Variants in RBFA observed in about 807,000 individuals in gnomAD.
The protein encoded by RBFA is putative ribosome-binding factor A, mitochondrial.
Under a neutral mutation model 27.9 loss-of-function variants are expected in RBFA, and 16 were observed. The ratio of observed to expected loss-of-function variants is 0.57; its 90% CI spans 0.39 to 0.87. The LOEUF is 0.87. Ranked by LOEUF, RBFA falls within the 40% of genes least tolerant of loss-of-function variation. The pLI, the probability that RBFA is intolerant of heterozygous loss-of-function variation, is 0.00. For synonymous variants in RBFA, 181 were observed against 181.0 expected, an observed-to-expected ratio of 1.00 and a Z score of 0.00; for missense variants, 456 against 432.1, an observed-to-expected ratio of 1.06 and a Z score of -0.49.
At chr18:80,042,560 G>A (rs1453940177) in intron 5 of RBFA, among the ~76,000 whole-genome samples, 2 of 152,158 alleles carry the variant, frequency 1.3e-5, no homozygotes, top group Admixed American at 6.5e-5. Flanking sequence ...CACAAGGTCA[G>A]GAGTTAGAGA....
chr18:80,036,849 C>T (rs1407785104), intron 2 of RBFA, 139 bp downstream of exon 2: 19 of 547,762 alleles, frequency 3.5e-5, no homozygotes, highest in African/African-American at 7.6e-5. Context: ...ATGCCATTGG[C>T]AACATGGAGT....
chr18:80,038,191 A>G (rs2051993566), intron 3 of RBFA, among the ~76,000 whole-genome samples: 1 of 152,252 alleles, frequency 6.6e-6, no homozygotes, highest in Non-Finnish European at 1.5e-5. Flanking sequence ...AAAAGGCAGC[A>G]TCGAGCATTT....
chr18:80,041,364 C>T (rs1268091190), intron 4 of RBFA: 1 of 152,154 alleles, frequency 6.6e-6, no homozygotes, highest in Non-Finnish European at 1.5e-5. Context: ...ACGGCTTTCG[C>T]TGGTTATATG....
chr18:80,037,472 A>T lies in RBFA; in HGVS notation c.344A>T (p.Gln115Leu). The change falls in exon 3 of 7, where the codon CAG becomes CTG. Residue 115 changes from glutamine (Q) to leucine (L), a missense_variant. Coordinates refer to ENST00000306735, the MANE Select transcript of RBFA (RefSeq NM_024805.3). ...CTGCTGTGTACCCCTGAAGTGAGTCAGGAGCTGTATGACCTTAACGTGGAG... is the reference window on the plus strand; with the variant it reads ...CTGCTGTGTACCCCTGAAGTGAGTCTGGAGCTGTATGACCTTAACGTGGAG... ...TDLLCTPEVS[Q>L]ELYDLNVELS... is the part of the protein sequence containing the mutation. 2 of 1,614,012 alleles carry T rather than the reference A, an allele frequency of 1.2e-6. No individual in the cohort carries two copies. Among genetic ancestry groups the T allele is most frequent in the Non-Finnish European group, 1.7e-6 (2 of 1,179,872 alleles).
In RBFA at chr18:80,034,460, T is replaced by A. The variant is rs756524807; in HGVS notation, c.-36T>A. 5 of 1,459,354 alleles carry A rather than the reference T, an allele frequency of 3.4e-6. No individual in the cohort carries two copies. The highest frequency in any genetic ancestry group is 4.5e-6 in the Non-Finnish European group (5 of 1,113,662). The allele number at this position is 1,459,354 out of a possible 1,614,324, so 90.4% of individuals were successfully genotyped here. A position where few individuals can be genotyped will look rare whatever the true frequency, so the allele number is the denominator to read the frequency against. On this transcript the variant is annotated 5_prime_UTR_variant, in exon 1 of 7. Transcript: ENST00000306735. ...GTTGTCGCTCCGCGCCTGCGCCCGT[T>A]GTCTCCCTGCTCGCTCCGGGTCCCG...
At chr18:80,035,088 TG>T (rs1242407220) in intron 1 of RBFA, 1 of 181,888 alleles carries the variant, frequency 5.5e-6, no homozygotes, top group Non-Finnish European at 1.2e-5. Context: ...CTTCTAAGTA[TG>T]GTAGGTGGTT....
Position 80,037,441 on chromosome 18 carries a change from A to T in RBFA, c.313A>T (p.Thr105Ser). The change falls in exon 3 of 7, where the codon ACA (threonine) becomes TCA (serine). Residue 105 changes from threonine (T) to serine (S), a missense_variant. Transcript: ENST00000306735. ...GAACGGCCTCCTCTATAAGGCACTG[A>T]CAGACCTGCTGTGTACCCCTGAAGT... ...ALNGLLYKAL[T>S]DLLCTPEVSQ... 1 of 1,614,152 alleles carries T rather than the reference A, an allele frequency of 6.2e-7. No homozygotes were observed. Among genetic ancestry groups the T allele is most frequent in the Non-Finnish European group, 8.5e-7 (1 of 1,180,016 alleles).
rs867819207 is a variant in RBFA at position 80,047,586 on chromosome 18, C to T, written c.*1431C>T. 1.3e-5 allele frequency among the ~76,000 whole-genome samples: 2 copies of T among 152,110 alleles called. No individual in the cohort carries two copies. Among genetic ancestry groups the T allele is most frequent in the Non-Finnish European group, 2.9e-5 (2 of 68,016 alleles). ...TTGTTTATACTCTACACTCTTATTT[C>T]CTATATCAGGATGGGGAGGCCACTA... On this transcript the variant is annotated 3_prime_UTR_variant, in exon 7 of 7. Coordinates refer to ENST00000306735, the MANE Select transcript of RBFA (RefSeq NM_024805.3).
intron 3 of RBFA, among the ~76,000 whole-genome samples, chr18:80,037,956 C>T (rs1009801750): frequency 2.6e-5 from 4 of 152,048 alleles, no homozygotes; most frequent in Non-Finnish European, 5.9e-5. Flanking sequence ...AGAAATGATG[C>T]TCAGTCTGGT....
chr18:80,042,587 G>A (rs1047064020), intron 5 of RBFA, among the ~76,000 whole-genome samples: 28 of 152,034 alleles, frequency 1.8e-4, no homozygotes, highest in Admixed American at 5.2e-4. Context: ...TGGCCAATAC[G>A]GTGAAACCCT....
intron 2 of RBFA, 23 bp from the exon 3 acceptor site, chr18:80,037,302 TTGGGG>T: frequency 6.2e-7 from 1 of 1,607,704 alleles, no homozygotes; most frequent in Non-Finnish European, 8.5e-7. Flanking sequence ...AACGCTGCCC[TTGGGG>T]TGTGCTCTTC....
chr18:80,042,396 T>C (rs2052022556), intron 5 of RBFA, among the ~76,000 whole-genome samples, 177 bp downstream of exon 5: 1 of 152,134 alleles, frequency 6.6e-6, no homozygotes, highest in Non-Finnish European at 1.5e-5. Context: ...CAGGTAATAA[T>C]TAACTTTTTA....
chr18:80,038,518 C>T lies in RBFA; in HGVS notation c.392C>T (p.Pro131Leu). The T allele has an allele frequency of 6.2e-7, 1 of 1,612,712 alleles. No homozygotes were observed. The highest frequency in any genetic ancestry group is 8.5e-7 in the Non-Finnish European group (1 of 1,179,126). The change falls in exon 4 of 7, where the codon CCA becomes CTA. Residue 131 changes from proline (P) to leucine (L), a missense_variant. Pro to Leu is a moderately conservative substitution (Grantham distance 98). Coordinates refer to ENST00000306735, the MANE Select transcript of RBFA (RefSeq NM_024805.3). ...GCGGGGTCTCAGGTTTCCCTGACTCCAGACTTCTCAGCCTGCCGAGCGTAC... is the reference window on the plus strand; with the variant it reads ...GCGGGGTCTCAGGTTTCCCTGACTCTAGACTTCTCAGCCTGCCGAGCGTAC... Reference protein sequence around the residue: ...NVELSKVSLTPDFSACRAYWK... With the variant: ...NVELSKVSLTLDFSACRAYWK...
Position 80,034,506 on chromosome 18 carries a change from C to CGGCG in RBFA, c.19_22dup (p.Leu8ArgfsTer15), listed in dbSNP as rs1568386024. ...TCCCGGCGCCGCGCCATGTGGGCTG[C>CGGCG]GGCGGGCGGGCTGTGGCGCTCCCGC... On this transcript the variant is annotated frameshift_variant, in exon 1 of 7. Transcript: ENST00000306735. LOFTEE classifies it high-confidence loss of function. 2.5e-6 allele frequency: 4 copies of CGGCG among 1,569,084 alleles called. No individual in the cohort carries two copies. Among genetic ancestry groups the CGGCG allele is most frequent in the Non-Finnish European group, 8.6e-7 (1 of 1,164,436 alleles).
chr18:80,044,260 G>T lies in RBFA; in HGVS notation c.625G>T (p.Asp209Tyr), dbSNP rs202047097. 5.0e-6 allele frequency: 8 copies of T among 1,614,160 alleles called. No homozygotes were observed. The South Asian group carries it at 8.8e-5, about 18-fold the overall frequency. The change falls in exon 6 of 7, where the codon GAC (aspartate) becomes TAC (tyrosine). Residue 209 changes from aspartate (D) to tyrosine (Y), a missense_variant. Asp to Tyr is a radical substitution (Grantham distance 160). Transcript: ENST00000306735. ...VADFGPRDER[D>Y]NFVQNDFRDP... ...AGACTTTGGACCCCGGGATGAAAGA[G>T]ACAACTTTGTACAAAATGATTTCAG...
intron 5 of RBFA, 60 bp from the exon 6 acceptor site, chr18:80,044,152 G>A (rs1345674894): frequency 4.9e-5 from 69 of 1,409,988 alleles, no homozygotes; most frequent in South Asian, 1.7e-4. Context: ...CGTGGAGCCC[G>A]GCTGTAAGTA....
At chr18:80,038,441 G>A in intron 3 of RBFA, 64 bp from the exon 4 acceptor site, 1 of 1,140,330 alleles carries the variant, frequency 8.8e-7, no homozygotes, top group Non-Finnish European at 1.3e-6. Context: ...TCATCTCCTG[G>A]ATGTTGTTTG....
chr18:80,037,915 T>C (rs1302065774), intron 3 of RBFA, among the ~76,000 whole-genome samples: 1 of 151,558 alleles, frequency 6.6e-6, no homozygotes, highest in Admixed American at 6.6e-5. Flanking sequence ...ACTTTAGCAC[T>C]TATGAAGTCT....
chr18:80,036,846 T>A, intron 2 of RBFA, 136 bp downstream of exon 2: 1 of 560,430 alleles, frequency 1.8e-6, no homozygotes, highest in Non-Finnish European at 3.1e-6. Flanking sequence ...TGGATGCCAT[T>A]GGCAACATGG....
Sources: allele counts gnomAD v4.1 joint callset (sites outside exome capture counted in the v4.1 genomes callset), GRCh38; gene constraint gnomAD v4.1.1; transcripts MANE v1.5; gene names NCBI Gene and HGNC (gene_info 2026-07-23, HGNC 2026-07-21).